TPCN1: variants seen among roughly 807,000 people sequenced by gnomAD.
TPCN1 encodes two pore segment channel 1, also known as two pore channel protein 1.
TPCN1 carries 52 observed loss-of-function variants against 108.8 expected under a neutral mutation model. The ratio of observed to expected loss-of-function variants is 0.48; its 90% CI spans 0.38 to 0.60. TPCN1 has a LOEUF of 0.60. Ranked by LOEUF, TPCN1 falls within the 20% of genes least tolerant of loss-of-function variation. The probability of loss-of-function intolerance (pLI) is 0.00; values close to 1 mark genes in which losing one functional copy is unlikely to be tolerated. For missense variants in TPCN1, 806 were observed against 1,072.8 expected (o/e 0.75, Z 3.47); for synonymous variants, 446 against 433.7 (o/e 1.03, Z -0.35).
chr12:113,223,636 T>G (rs903988174), intron 1 of TPCN1, among the ~76,000 whole-genome samples: 6 of 152,324 alleles, frequency 3.9e-5, no homozygotes, highest in African/African-American at 1.4e-4. Context: ...CTCTGCCTCC[T>G]GGGTTCAAGT....
intron 14 of TPCN1, among the ~76,000 whole-genome samples, chr12:113,279,410 T>TA: frequency 8.8e-6 from 1 of 113,638 alleles, no homozygotes; most frequent in Admixed American, 9.3e-5. Flanking sequence ...TTTTTTTTTT[T>TA]TTTTTTTGAG....
At chr12:113,249,683 G>A (rs572379578) in intron 2 of TPCN1, 1 of 152,394 alleles carries the variant, frequency 6.6e-6, no homozygotes, top group South Asian at 2.1e-4. Flanking sequence ...CAACAAAAAC[G>A]AAGTACTAGG....
chr12:113,271,273 T>C (rs1194786849), intron 7 of TPCN1, among the ~76,000 whole-genome samples: 1 of 152,002 alleles, frequency 6.6e-6, no homozygotes, highest in Non-Finnish European at 1.5e-5. Context: ...CAAGACTCTG[T>C]CTCAAAAATA....
intron 2 of TPCN1, among the ~76,000 whole-genome samples, chr12:113,254,336 C>T (rs1954759814): frequency 1.3e-5 from 2 of 152,180 alleles, no homozygotes; most frequent in Admixed American, 1.3e-4. Flanking sequence ...ATGAGGCCAG[C>T]ATTACCTTGA....
At position 113,289,203 on chromosome 12, in the gene TPCN1, G is replaced by C. The variant is rs1239295823; in HGVS notation, c.1796+356G>C. On this transcript the variant is annotated intron_variant, in intron 21 of 27. Transcript: ENST00000335509. This position sits in a 1 kb window ranked among gnomAD's most constrained non-coding sequence, Gnocchi z 4.1. ...GGCCAAGACCAGTCTTCTAGGGACA[G>C]CATCGTAGGATAAGACAGACGGACA... Among the ~76,000 whole-genome samples the C allele has an allele frequency of 2.0e-5, 3 of 152,228 alleles. No individual in the cohort carries two copies. Among genetic ancestry groups the C allele is most frequent in the African/African-American group, 7.2e-5 (3 of 41,470 alleles).
chr12:113,278,287 G>C (rs758253479), intron 13 of TPCN1, 50 bp downstream of exon 13: 3 of 1,551,908 alleles, frequency 1.9e-6, no homozygotes, highest in Non-Finnish European at 2.7e-6. Flanking sequence ...AGGTCCCCAC[G>C]TGGGGCAGTG....
rs992817418 is a variant in TPCN1, at chr12:113,298,004, G to A, written c.*1928G>A. ...GCAGCACCCCGGGGTCTGCCCAGGG[G>A]AGTCAAGGCCCCGAGGTGGGGGGGC... is the stretch of plus-strand genomic sequence containing the variant. On this transcript the variant is annotated 3_prime_UTR_variant, in exon 28 of 28. Transcript: ENST00000335509. The A allele has an allele frequency of 5.2e-5, 8 of 152,428 alleles. No individual in the cohort carries two copies. Among genetic ancestry groups the A allele is most frequent in the Non-Finnish European group, 1.0e-4 (7 of 68,206 alleles). The allele number at this position is 152,428 out of a possible 1,614,324, so 9.4% of individuals were successfully genotyped here. A position where few individuals can be genotyped will look rare whatever the true frequency, so the allele number is the denominator to read the frequency against.
At chr12:113,291,763 G>C in intron 24 of TPCN1, 86 bp downstream of exon 24, 1 of 1,571,802 alleles carries the variant, frequency 6.4e-7, no homozygotes, top group Non-Finnish European at 8.7e-7. Flanking sequence ...GCGTCAGGGA[G>C]TGGGGCTGGG....
chr12:113,241,347 G>A lies in TPCN1; in HGVS notation c.112+14383G>A, dbSNP rs115868126. The stretch of plus-strand genomic sequence containing the variant: ...TCTTGTTACTCTTCTTCTGAACAAA[G>A]CCACCTGCAGCAGCAGCAGCAGCAG... On this transcript the variant is annotated intron_variant, in intron 2 of 27. Transcript: ENST00000335509. 4.5e-3 allele frequency among the ~76,000 whole-genome samples: 685 copies of A among 150,738 alleles called. 2 individuals are homozygous for A. Among genetic ancestry groups the A allele is most frequent in the African/African-American group, 0.016 (670 of 41,086 alleles).
chr12:113,245,623 A>G (rs1954346182), intron 2 of TPCN1, among the ~76,000 whole-genome samples: 1 of 118,794 alleles, frequency 8.4e-6, no homozygotes, highest in Non-Finnish European at 1.7e-5. Context: ...AAAAAAAAAG[A>G]AAAGAAAAGG....
chr12:113,296,022 C>T lies in TPCN1; in HGVS notation c.2397C>T (p.Ala799=). ...AGCGACAACTCAGCAGCAGTGCAGC[C>T]CCCGCCGCCCAGCAGCCCCCAGGCA... ...EQQRQLSSSA[A]PAAQQPPGSR... Residue 799 remains alanine (A), a synonymous_variant, in exon 28 of 28, where the codon GCC becomes GCT. Coordinates refer to ENST00000335509, the MANE Select transcript of TPCN1 (RefSeq NM_017901.6). The T allele has an allele frequency of 6.2e-7, 1 of 1,613,190 alleles. No homozygotes were observed. Among genetic ancestry groups the T allele is most frequent in the Non-Finnish European group, 8.5e-7 (1 of 1,179,844 alleles).
chr12:113,237,170 G>A (rs187441496), intron 2 of TPCN1, among the ~76,000 whole-genome samples: 1 of 152,254 alleles, frequency 6.6e-6, no homozygotes, highest in African/African-American at 2.4e-5. Context: ...AAACCCTGGG[G>A]TGGGTCAGCC....
chr12:113,228,238 C>A (rs1953545001), intron 2 of TPCN1, among the ~76,000 whole-genome samples: 1 of 152,158 alleles, frequency 6.6e-6, no homozygotes, highest in Admixed American at 6.5e-5. Context: ...TCCAGAATTC[C>A]TTCCCCTTCT....
In TPCN1 at chr12:113,268,691, A is replaced by G. The variant is rs761632276; in HGVS notation, c.529-51A>G. ...CAGCCCCCCGTTCCAGGTATGCAGG[A>G]TGACGGCTGGGCTGCAGGGGCTGAC... On this transcript the variant is annotated intron_variant, in intron 5 of 27. Coordinates refer to ENST00000335509, the MANE Select transcript of TPCN1 (RefSeq NM_017901.6). The surrounding 1 kb of genome is among the most constrained non-coding windows in gnomAD (Gnocchi z 7.3). 8 of 1,604,612 alleles carry G rather than the reference A, an allele frequency of 5.0e-6. No homozygotes were observed. In the East Asian group the frequency reaches 6.7e-5, roughly 13 times the overall value.
chr12:113,247,934 A>G (rs550536757), intron 2 of TPCN1, among the ~76,000 whole-genome samples: 1 of 152,302 alleles, frequency 6.6e-6, no homozygotes, highest in Admixed American at 6.5e-5. Flanking sequence ...GAAGCACAGA[A>G]CAAAGTCCGT....
chr12:113,266,005 G>A lies in TPCN1; in HGVS notation c.238-175G>A, dbSNP rs887710509. On this transcript the variant is annotated intron_variant, in intron 3 of 27. Transcript: ENST00000335509. This position sits in a 1 kb window ranked among gnomAD's most constrained non-coding sequence, Gnocchi z 4.2. ...TGAGCCCATCAGCAGGCAGGAGTGA[G>A]ACCTGACCACCGTGAGTTTCGCGAA... 6.6e-6 allele frequency among the ~76,000 whole-genome samples: 1 copy of A among 151,994 alleles called. No individual in the cohort carries two copies. Among genetic ancestry groups the A allele is most frequent in the African/African-American group, 2.4e-5 (1 of 41,358 alleles).
At chr12:113,237,313 C>T (rs1277376022) in intron 2 of TPCN1, among the ~76,000 whole-genome samples, 2 of 151,952 alleles carry the variant, frequency 1.3e-5, no homozygotes, top group Non-Finnish European at 2.9e-5. Context: ...AGTCACTGAA[C>T]TTCCCCAGGT....
In TPCN1 at chr12:113,296,388, CAT is replaced by C. The variant is rs1351254224; in HGVS notation, c.*313_*314del. 2.9e-6 allele frequency: 1 copy of C among 343,262 alleles called. No homozygotes were observed. The highest frequency in any genetic ancestry group is 5.4e-6 in the Non-Finnish European group (1 of 186,016). The allele number at this position is 343,262 out of a possible 1,614,324, so 21.3% of individuals were successfully genotyped here. On this transcript the variant is annotated 3_prime_UTR_variant, in exon 28 of 28. Coordinates refer to ENST00000335509, the MANE Select transcript of TPCN1 (RefSeq NM_017901.6). The stretch of plus-strand genomic sequence containing the variant: ...CCAGTCGACTGCGGGGCTTGCCCCT[CAT>C]GTGGGCTGGCCTCCATCGGCCACGT...
intron 2 of TPCN1, among the ~76,000 whole-genome samples, chr12:113,252,653 G>C (rs1033707782): frequency 2.0e-5 from 3 of 152,234 alleles, no homozygotes; most frequent in African/African-American, 7.2e-5. Context: ...GCCAGCCCCT[G>C]CTGGGGCATG....
Sources: gnomAD v4.1 joint callset for allele counts (sites outside exome capture counted in the v4.1 genomes callset) on GRCh38, gnomAD v4.1.1 for gene constraint, Gnocchi (gnomAD v3.1) non-coding constraint, MANE v1.5 for transcripts, NCBI Gene and HGNC (gene_info 2026-07-23, HGNC 2026-07-21) for gene names.